SLC9A9: variants seen among roughly 807,000 people sequenced by gnomAD.
SLC9A9 encodes sodium/hydrogen exchanger 9.
A neutral mutation model predicts 77.8 loss-of-function variants in SLC9A9; 62 were observed. The ratio of observed to expected loss-of-function variants is 0.80; its 90% confidence interval spans 0.65 to 0.98. The LOEUF (loss-of-function observed/expected upper bound fraction) is 0.98, where lower values mean the gene tolerates loss of function less well. SLC9A9 is among the 50% of genes least tolerant of loss of function. The pLI, the probability that SLC9A9 is intolerant of heterozygous loss-of-function variation, is 0.00. For missense variants in SLC9A9, 775 were observed against 774.9 expected (o/e 1.00, Z 0.00); for synonymous variants, 320 against 283.5 (o/e 1.13, Z -1.29).
At chr3:143,420,707 A>T (rs2034282660) in intron 12 of SLC9A9, among the ~76,000 whole-genome samples, 2 of 152,218 alleles carry the variant, frequency 1.3e-5, no homozygotes, top group South Asian at 4.1e-4. Context: ...TTTTACATAC[A>T]TTTAAATATC....
chr3:143,399,649 A>G (rs1400956418), intron 12 of SLC9A9, among the ~76,000 whole-genome samples: 1 of 152,178 alleles, frequency 6.6e-6, no homozygotes, highest in Non-Finnish European at 1.5e-5. Context: ...ATTAGCATCA[A>G]TTTGGCGGAA....
intron 4 of SLC9A9, among the ~76,000 whole-genome samples, chr3:143,703,982 A>G (rs1165578445): frequency 6.6e-6 from 1 of 152,202 alleles, no homozygotes; most frequent in Non-Finnish European, 1.5e-5. Context: ...ATAAATTTCT[A>G]CAGTCATACA....
intron 2 of SLC9A9, among the ~76,000 whole-genome samples, chr3:143,805,616 C>T (rs78275690): frequency 0.25 from 37,411 of 151,864 alleles, 4,706 homozygotes; most frequent in East Asian, 0.37. Context: ...CATACCACCA[C>T]AAAAGAGGTG....
intron 12 of SLC9A9, among the ~76,000 whole-genome samples, chr3:143,465,115 G>A (rs1047161776): frequency 2.6e-5 from 4 of 152,216 alleles, no homozygotes; most frequent in Non-Finnish European, 4.4e-5. Flanking sequence ...AATTGGTTGG[G>A]CCATTTGGAG....
At chr3:143,660,347 A>T (rs1482678162) in intron 5 of SLC9A9, among the ~76,000 whole-genome samples, 2 of 152,214 alleles carry the variant, frequency 1.3e-5, no homozygotes, top group Non-Finnish European at 2.9e-5. Flanking sequence ...GATGTAGGGG[A>T]TCACTTGCAA....
At chr3:143,834,823 A>C (rs917577535) in intron 1 of SLC9A9, among the ~76,000 whole-genome samples, 2 of 152,144 alleles carry the variant, frequency 1.3e-5, no homozygotes, top group African/African-American at 4.8e-5. Context: ...GCTTGCTGCC[A>C]TTGTGGCAGA....
chr3:143,464,533 T>A (rs1559927797), intron 12 of SLC9A9, among the ~76,000 whole-genome samples: 1 of 151,764 alleles, frequency 6.6e-6, no homozygotes, highest in Non-Finnish European at 1.5e-5. Flanking sequence ...CTCCCTTTAG[T>A]ATAGGTGCTA....
chr3:143,521,576 T>A lies in SLC9A9; in HGVS notation c.1090-26128A>T, dbSNP rs1335422572. Among the ~76,000 whole-genome samples, 3 of 152,198 alleles carry A rather than the reference T, an allele frequency of 2.0e-5. No individual in the cohort carries two copies. In the East Asian group the frequency reaches 5.8e-4, roughly 29 times the overall value. On this transcript the variant is annotated intron_variant, in intron 9 of 15. Coordinates refer to ENST00000316549, the MANE Select transcript of SLC9A9 (RefSeq NM_173653.4). ...TCTACCACATGCTTTCAAATTACTC[T>A]GCCTTTTTCTATACTTTTATATTTG...
At chr3:143,425,139 T>C (rs1463632324) in intron 12 of SLC9A9, among the ~76,000 whole-genome samples, 1 of 152,150 alleles carries the variant, frequency 6.6e-6, no homozygotes, top group African/African-American at 2.4e-5. Context: ...ATGTGGTCAA[T>C]CCAATTATTC....
intron 11 of SLC9A9, among the ~76,000 whole-genome samples, chr3:143,471,775 C>A (rs1207948203): frequency 6.6e-6 from 1 of 152,048 alleles, no homozygotes; most frequent in Non-Finnish European, 1.5e-5. Flanking sequence ...ATTTCATATG[C>A]CCAGTTGGAA....
chr3:143,804,018 AC>A (rs1488054095), intron 2 of SLC9A9, among the ~76,000 whole-genome samples: 1 of 151,970 alleles, frequency 6.6e-6, no homozygotes, highest in African/African-American at 2.4e-5. Flanking sequence ...CCTTATGTGG[AC>A]CCCTCACAAC....
intron 9 of SLC9A9, among the ~76,000 whole-genome samples, chr3:143,531,092 C>T (rs2036503576): frequency 6.6e-6 from 1 of 152,206 alleles, no homozygotes. Flanking sequence ...CTAATTTAAT[C>T]TTTACAACAC....
intron 12 of SLC9A9, among the ~76,000 whole-genome samples, chr3:143,391,148 GCCT>G (rs1281764969): frequency 1.3e-5 from 2 of 152,212 alleles, no homozygotes; most frequent in Non-Finnish European, 2.9e-5. Context: ...AGACAGATAT[GCCT>G]CCTCAAGTGG....
chr3:143,694,491 C>G (rs567361087), intron 4 of SLC9A9, among the ~76,000 whole-genome samples: 1 of 152,182 alleles, frequency 6.6e-6, no homozygotes, highest in Admixed American at 6.5e-5. Flanking sequence ...GTCACTGAGG[C>G]TAAAAATAAT....
chr3:143,611,614 G>A lies in SLC9A9; in HGVS notation c.756-32891C>T, dbSNP rs528174884. Among the ~76,000 whole-genome samples the A allele has an allele frequency of 9.8e-5, 15 of 152,300 alleles. No homozygotes were observed. In the South Asian group the frequency reaches 2.9e-3, roughly 29 times the overall value. On this transcript the variant is annotated intron_variant, in intron 6 of 15. Coordinates refer to ENST00000316549, the MANE Select transcript of SLC9A9 (RefSeq NM_173653.4). ...TGAAAACTAGAAGACAATAAAATAT[G>A]TCTTAATTACAGCCTGGGAGCCTGA...
At chr3:143,309,539 T>C (rs1044401222) in intron 14 of SLC9A9, among the ~76,000 whole-genome samples, 3 of 152,196 alleles carry the variant, frequency 2.0e-5, no homozygotes, top group African/African-American at 7.2e-5. Flanking sequence ...CAGTAGTTTT[T>C]ATTTAGCAAG....
At chr3:143,578,847 G>C in intron 6 of SLC9A9, 124 bp from the exon 7 acceptor site, 1 of 1,133,206 alleles carries the variant, frequency 8.8e-7, no homozygotes, top group Non-Finnish European at 1.3e-6. Context: ...GGAAGAGTTA[G>C]GGGAAAACAG....
chr3:143,801,182 G>T (rs13066023), intron 2 of SLC9A9, among the ~76,000 whole-genome samples: 76,483 of 151,898 alleles, frequency 0.5, 20,063 homozygotes, highest in East Asian at 0.68. Flanking sequence ...CAACCCTTTT[G>T]GTTACACACA....
chr3:143,558,608 A>G (rs1314739782), intron 8 of SLC9A9, among the ~76,000 whole-genome samples: 1 of 152,168 alleles, frequency 6.6e-6, no homozygotes, highest in Admixed American at 6.5e-5. Context: ...TTGGAGTTGC[A>G]TGGGGCCTGT....
Sources: gnomAD v4.1 joint callset for allele counts (sites outside exome capture counted in the v4.1 genomes callset) on GRCh38, gnomAD v4.1.1 for gene constraint, MANE v1.5 for transcripts, NCBI Gene and HGNC (gene_info 2026-07-23, HGNC 2026-07-21) for gene names.